Variants in PTAR1 observed in about 807,000 individuals in gnomAD.
PTAR1 encodes the protein protein prenyltransferase alpha subunit repeat-containing protein 1.
A neutral mutation model predicts 45.5 loss-of-function variants in PTAR1; 17 were observed. The ratio of observed to expected loss-of-function variants is 0.37; its 90% CI spans 0.26 to 0.56. The LOEUF (loss-of-function observed/expected upper bound fraction) is 0.56, where lower values mean the gene tolerates loss of function less well. Ranked by LOEUF, PTAR1 falls within the 20% of genes least tolerant of loss-of-function variation. The pLI is 0.77. For missense variants in PTAR1, 391 were observed against 476.3 expected (o/e 0.82, Z 1.67); for synonymous variants, 169 against 171.3 (o/e 0.99, Z 0.11).
intron 1 of PTAR1, among the ~76,000 whole-genome samples, chr9:69,753,523 C>T (rs1006569412): frequency 6.6e-6 from 1 of 152,146 alleles, no homozygotes; most frequent in Non-Finnish European, 1.5e-5. Context: ...CACACATATA[C>T]ATACATATCA....
chr9:69,740,585 G>A (rs191740388), intron 3 of PTAR1, among the ~76,000 whole-genome samples: 76 of 150,166 alleles, frequency 5.1e-4, no homozygotes, highest in Middle Eastern at 3.4e-3. Context: ...TTTGATTTCC[G>A]TGCCCAATTT....
chr9:69,719,945 A>T (rs960538329), intron 6 of PTAR1, among the ~76,000 whole-genome samples: 1 of 152,126 alleles, frequency 6.6e-6, no homozygotes, highest in Non-Finnish European at 1.5e-5. Flanking sequence ...GTGTGTTCTG[A>T]TTGCTCCACC....
At position 69,711,045 on chromosome 9, in the gene PTAR1, G is replaced by A. The variant is rs1402555615; in HGVS notation, c.*7297C>T. On this transcript the variant is annotated 3_prime_UTR_variant, in exon 8 of 8. Transcript: ENST00000340434. Reference sequence around the variant, plus strand: ...AATTCGAGTCAAAAAAAAATTAGACGCTATTAAAATCATAACTGGCCTTTT... The same window carrying A: ...AATTCGAGTCAAAAAAAAATTAGACACTATTAAAATCATAACTGGCCTTTT... 1 of 151,870 alleles carries A rather than the reference G, an allele frequency of 6.6e-6. No homozygotes were observed. The highest frequency in any genetic ancestry group is 1.5e-5 in the Non-Finnish European group (1 of 67,962). The allele number at this position is 151,870 out of a possible 1,614,324, so 9.4% of individuals were successfully genotyped here.
intron 5 of PTAR1, among the ~76,000 whole-genome samples, chr9:69,727,911 T>A (rs1019923725): frequency 6.6e-6 from 1 of 152,158 alleles, no homozygotes; most frequent in African/African-American, 2.4e-5. Context: ...ATTGCTCTTA[T>A]CTAATTTCTA....
rs1827021317 is a variant in PTAR1, at chr9:69,759,968, G to C, written c.-30C>G. The C allele has an allele frequency of 6.9e-7, 1 of 1,445,200 alleles. No homozygotes were observed. Among genetic ancestry groups the C allele is most frequent in the Non-Finnish European group, 9.2e-7 (1 of 1,090,942 alleles). The allele number at this position is 1,445,200 out of a possible 1,614,324, so 89.5% of individuals were successfully genotyped here. ...GCGGCGGCCGCGACAGTTCGGGCGC[G>C]CCTCCGCGTGAGCCGGGCCGCCGGC... On this transcript the variant is annotated 5_prime_UTR_variant, in exon 1 of 8. Transcript: ENST00000340434.
rs374908460 is a variant in PTAR1 at position 69,741,796 on chromosome 9, C to T, written c.319G>A (p.Val107Met). 183 of 1,589,686 alleles carry T rather than the reference C, an allele frequency of 1.2e-4. No individual in the cohort carries two copies. The highest frequency in any genetic ancestry group is 4.7e-4 in the South Asian group (41 of 87,950). ...TCACTAATGAAAATGACATACCTCACGTTCCATGCAGTGGTAAAGTCTGGG... is the reference window on the plus strand; with the variant it reads ...TCACTAATGAAAATGACATACCTCATGTTCCATGCAGTGGTAAAGTCTGGG... Reference protein sequence around the residue: ...LNPDFTTAWNVRKELILSGTL... With the variant: ...LNPDFTTAWNMRKELILSGTL... The change falls in exon 3 of 8, where the codon GTG becomes ATG. Residue 107 changes from valine (V) to methionine (M), a missense_variant. By Grantham distance (21) the Val-to-Met change is conservative. This residue lies in a region of PTAR1 where 152 missense variants were observed against 160.0 expected (regional missense o/e 0.95). Transcript: ENST00000340434.
At chr9:69,719,613 A>T (rs1824892712) in intron 6 of PTAR1, among the ~76,000 whole-genome samples, 1 of 152,176 alleles carries the variant, frequency 6.6e-6, no homozygotes, top group African/African-American at 2.4e-5. Context: ...CAGCAGTAGA[A>T]AACCGGCCTA....
chr9:69,759,994 G>T lies in PTAR1; in HGVS notation c.-56C>A. 3.6e-6 allele frequency: 5 copies of T among 1,386,302 alleles called. No individual in the cohort carries two copies. The highest frequency in any genetic ancestry group is 3.4e-5 in the East Asian group (1 of 29,674). 85.9% of individuals were successfully genotyped at this position (1,386,302 alleles called of 1,614,324 possible). On this transcript the variant is annotated 5_prime_UTR_variant, in exon 1 of 8. Coordinates refer to ENST00000340434, the MANE Select transcript of PTAR1 (RefSeq NM_001099666.2). The stretch of plus-strand genomic sequence containing the variant: ...CCTCCGCGTGAGCCGGGCCGCCGGC[G>T]GGAGTTCCGCGGAGAACGAGCGCGC...
chr9:69,756,910 T>C (rs1422233876), intron 1 of PTAR1, among the ~76,000 whole-genome samples: 1 of 152,228 alleles, frequency 6.6e-6, no homozygotes, highest in East Asian at 1.9e-4. Context: ...TACAAATCCA[T>C]TTAAATTAAA....
intron 2 of PTAR1, among the ~76,000 whole-genome samples, chr9:69,748,858 T>C (rs192266978): frequency 3.9e-4 from 59 of 152,252 alleles, no homozygotes; most frequent in Admixed American, 7.2e-4. Flanking sequence ...CACTTTCTTA[T>C]ATTTACTGAT....
intron 1 of PTAR1, among the ~76,000 whole-genome samples, chr9:69,754,707 A>AAT (rs1311994979): frequency 0.015 from 947 of 61,944 alleles, 13 homozygotes; most frequent in African/African-American, 0.03. Context: ...ATGCCCAGCT[A>AAT]ATATATATAT....
intron 2 of PTAR1, among the ~76,000 whole-genome samples, chr9:69,742,505 T>C (rs548064598): frequency 6.6e-6 from 1 of 152,266 alleles, no homozygotes; most frequent in African/African-American, 2.4e-5. Flanking sequence ...GTTTCCTGTT[T>C]GTTTTTAACG....
chr9:69,737,554 T>C (rs1171651884), intron 3 of PTAR1, among the ~76,000 whole-genome samples: 1 of 152,190 alleles, frequency 6.6e-6, no homozygotes, highest in Non-Finnish European at 1.5e-5. Flanking sequence ...AACTAGGTCT[T>C]GTGATGACAA....
rs983695853 is a variant in PTAR1 at position 69,759,963 on chromosome 9, G to C, written c.-25C>G. The C allele has an allele frequency of 1.4e-6, 2 of 1,459,522 alleles. No homozygotes were observed. Among genetic ancestry groups the C allele is most frequent in the African/African-American group, 3.0e-5 (2 of 67,778 alleles). The allele number at this position is 1,459,522 out of a possible 1,614,324, so 90.4% of individuals were successfully genotyped here. On this transcript the variant is annotated 5_prime_UTR_variant, in exon 1 of 8. Coordinates refer to ENST00000340434, the MANE Select transcript of PTAR1 (RefSeq NM_001099666.2). ...TGTTGGCGGCGGCCGCGACAGTTCG[G>C]GCGCGCCTCCGCGTGAGCCGGGCCG...
intron 3 of PTAR1, among the ~76,000 whole-genome samples, chr9:69,740,777 C>T (rs1424697913): frequency 1.3e-5 from 2 of 151,912 alleles, no homozygotes; most frequent in African/African-American, 4.8e-5. Flanking sequence ...TAGAACAGTG[C>T]TGTCCAATAG....
chr9:69,733,246 C>T (rs1291115321), intron 4 of PTAR1, among the ~76,000 whole-genome samples: 1 of 152,080 alleles, frequency 6.6e-6, no homozygotes, highest in Non-Finnish European at 1.5e-5. Context: ...AGTCATATAC[C>T]CTTCTGTGGT....
At chr9:69,740,857 A>G (rs1826014913) in intron 3 of PTAR1, among the ~76,000 whole-genome samples, 1 of 152,228 alleles carries the variant, frequency 6.6e-6, no homozygotes. Flanking sequence ...ATTAAACACA[A>G]GTATAAATAT....
intron 6 of PTAR1, among the ~76,000 whole-genome samples, chr9:69,722,637 A>AG (rs34503793): frequency 0.01 from 1,554 of 149,316 alleles, 23 homozygotes; most frequent in African/African-American, 0.031. Flanking sequence ...AGCTTTTTCT[A>AG]GGGGGGAAAA....
intron 3 of PTAR1, 33 bp from the exon 4 acceptor site, chr9:69,734,287 T>TAAAAAAAAAAAAAAAAAAAAAAAAAA (rs1825682280): frequency 1.6e-6 from 1 of 627,958 alleles, no homozygotes; most frequent in Admixed American, 3.6e-5. Context: ...AAAAAAAAAT[T>TAAAAAAAAAAAAAAAAAAAAAAAAAA]AAACATTACT....
Sources: gnomAD v4.1 joint callset for allele counts (sites outside exome capture counted in the v4.1 genomes callset) on GRCh38, gnomAD v4.1.1 for gene constraint, gnomAD v4.1.1 regional missense constraint, MANE v1.5 for transcripts, NCBI Gene and HGNC (gene_info 2026-07-23, HGNC 2026-07-21) for gene names.